Variants in CSMD3 observed in about 807,000 individuals in gnomAD.
The protein encoded by CSMD3 is CUB and sushi domain-containing protein 3.
A neutral mutation model predicts 435.2 loss-of-function variants in CSMD3; 177 were observed. The ratio of observed to expected loss-of-function variants is 0.41; its 90% confidence interval spans 0.36 to 0.46. The LOEUF (loss-of-function observed/expected upper bound fraction) is 0.46. Among genes scored for constraint, CSMD3 ranks in the 20% least tolerant of loss-of-function variants. CSMD3 has a pLI of 0.34. For missense variants in CSMD3, 4,265 were observed against 4,504.6 expected, an observed-to-expected ratio of 0.95 and a Z score of 1.52; for synonymous variants, 1,656 against 1,520.5, an observed-to-expected ratio of 1.09 and a Z score of -2.07.
At chr8:113,325,750 GCT>G (rs1456732608) in intron 1 of CSMD3, among the ~76,000 whole-genome samples, 1 of 152,142 alleles carries the variant, frequency 6.6e-6, no homozygotes, top group Non-Finnish European at 1.5e-5. Flanking sequence ...AAACTCACCT[GCT>G]CTCTCCTAAA....
chr8:112,550,193 T>C (rs1009638051), intron 27 of CSMD3, among the ~76,000 whole-genome samples: 1 of 152,004 alleles, frequency 6.6e-6, no homozygotes, highest in African/African-American at 2.4e-5. Flanking sequence ...AAATCTTTAA[T>C]TTAAAAGCCA....
intron 6 of CSMD3, among the ~76,000 whole-genome samples, chr8:112,985,071 A>C (rs2085205183): frequency 6.6e-6 from 1 of 152,078 alleles, no homozygotes; most frequent in Non-Finnish European, 1.5e-5. Context: ...TAAACAGTCT[A>C]ATAGCTATTT....
chr8:112,731,714 G>A (rs2077078584), intron 13 of CSMD3, among the ~76,000 whole-genome samples: 2 of 151,854 alleles, frequency 1.3e-5, no homozygotes, highest in South Asian at 4.1e-4. Flanking sequence ...GGAGATTTTT[G>A]TTTCAGAAAA....
chr8:113,373,271 T>C (rs1340521977), intron 1 of CSMD3, among the ~76,000 whole-genome samples: 2 of 151,986 alleles, frequency 1.3e-5, no homozygotes, highest in African/African-American at 2.4e-5. Context: ...AAAAATAAAA[T>C]CTCTGCATTT....
intron 2 of CSMD3, among the ~76,000 whole-genome samples, chr8:113,299,081 T>C (rs889753297): frequency 2.0e-5 from 3 of 152,184 alleles, no homozygotes; most frequent in Admixed American, 6.5e-5. Context: ...AGCCAATCAG[T>C]GCTGCTATAA....
At chr8:113,247,723 A>G (rs565871187) in intron 3 of CSMD3, among the ~76,000 whole-genome samples, 109 of 152,256 alleles carry the variant, frequency 7.2e-4, no homozygotes, top group African/African-American at 2.5e-3. Flanking sequence ...CTTCCAGTTT[A>G]AAGACAGATT....
chr8:112,421,841 A>T (rs1214246485), intron 32 of CSMD3, among the ~76,000 whole-genome samples: 1 of 151,918 alleles, frequency 6.6e-6, no homozygotes, highest in Admixed American at 6.6e-5. Context: ...ACTAGTTATC[A>T]TTCATTAAAC....
At chr8:112,337,827 A>T in intron 42 of CSMD3, 96 bp from the exon 43 acceptor site, 1 of 786,666 alleles carries the variant, frequency 1.3e-6, no homozygotes, top group Non-Finnish European at 2.1e-6. Flanking sequence ...AATAGATGTG[A>T]TGCTACTTGC....
At chr8:112,581,203 T>G (rs2131330489) in intron 23 of CSMD3, among the ~76,000 whole-genome samples, 1 of 152,154 alleles carries the variant, frequency 6.6e-6, no homozygotes, top group African/African-American at 2.4e-5. Context: ...GAAGGTGAGA[T>G]TTAGAAATCT....
At chr8:113,223,762 A>G (rs3048837) in intron 3 of CSMD3, among the ~76,000 whole-genome samples, 46,221 of 95,218 alleles carry the variant, frequency 0.49, 8,313 homozygotes, top group East Asian at 0.76. Context: ...ATGTGTGTGT[A>G]TGTGTGTGTG....
At chr8:113,412,570 T>A (rs1399299537) in intron 1 of CSMD3, among the ~76,000 whole-genome samples, 2 of 152,116 alleles carry the variant, frequency 1.3e-5, no homozygotes, top group Non-Finnish European at 2.9e-5. Flanking sequence ...AGATGATATA[T>A]CAACTTCATG....
intron 1 of CSMD3, among the ~76,000 whole-genome samples, chr8:113,358,412 G>T (rs2094247900): frequency 6.6e-6 from 1 of 152,112 alleles, no homozygotes; most frequent in Non-Finnish European, 1.5e-5. Context: ...GAGTGCAGTG[G>T]CATGATCTCA....
intron 38 of CSMD3, among the ~76,000 whole-genome samples, chr8:112,374,800 CA>C (rs2131202204): frequency 6.6e-6 from 1 of 152,268 alleles, no homozygotes. Flanking sequence ...TTGAAAAATA[CA>C]GTTAACACAT....
chr8:112,912,910 A>G (rs2082465868), intron 10 of CSMD3, among the ~76,000 whole-genome samples: 1 of 152,064 alleles, frequency 6.6e-6, no homozygotes, highest in East Asian at 1.9e-4. Flanking sequence ...GATTGAGTAG[A>G]CATTTCTCAA....
chr8:112,737,142 T>C (rs1587127262), intron 13 of CSMD3, among the ~76,000 whole-genome samples: 1 of 152,094 alleles, frequency 6.6e-6, no homozygotes, highest in South Asian at 2.1e-4. Flanking sequence ...TGGCTTTCTG[T>C]ACTTAGCACA....
intron 47 of CSMD3, among the ~76,000 whole-genome samples, chr8:112,318,526 T>C (rs7844829): frequency 0.2 from 30,696 of 151,940 alleles, 3,702 homozygotes; most frequent in East Asian, 0.39. Flanking sequence ...TTGAAACCTT[T>C]ATTTAAAGTG....
At chr8:112,618,649 C>A (rs7825574) in intron 22 of CSMD3, among the ~76,000 whole-genome samples, 86,805 of 151,252 alleles carry the variant, frequency 0.57, 25,342 homozygotes, top group African/African-American at 0.68. Flanking sequence ...TAGACACAGA[C>A]AATGTGGATT....
At chr8:112,317,710 C>A (rs1434885677) in intron 47 of CSMD3, among the ~76,000 whole-genome samples, 1 of 151,962 alleles carries the variant, frequency 6.6e-6, no homozygotes. Context: ...ATTTATACCC[C>A]CACACCCACT....
intron 2 of CSMD3, among the ~76,000 whole-genome samples, chr8:113,287,077 A>G (rs1253140646): frequency 6.6e-6 from 1 of 152,012 alleles, no homozygotes; most frequent in African/African-American, 2.4e-5. Context: ...TACTTTTTGG[A>G]TAACAAATTG....
Sources: allele counts gnomAD v4.1 joint callset (sites outside exome capture counted in the v4.1 genomes callset), GRCh38; gene constraint gnomAD v4.1.1; transcripts MANE v1.5; gene names NCBI Gene and HGNC (gene_info 2026-07-23, HGNC 2026-07-21).